The following BNIP2 variants were observed in gnomAD, a reference collection of about 807,000 sequenced individuals.
BNIP2 encodes the protein BCL2/adenovirus E1B 19 kDa protein-interacting protein 2.
In BNIP2, 36 loss-of-function variants were observed where a neutral mutation model predicts 43.4. The ratio of observed to expected loss-of-function variants is 0.83; its 90% CI spans 0.64 to 1.10. The LOEUF (loss-of-function observed/expected upper bound fraction) is 1.10. Ranked by LOEUF, BNIP2 falls within the 50% of genes least tolerant of loss-of-function variation. The probability of loss-of-function intolerance (pLI) is 0.00; values close to 1 mark genes in which losing one functional copy is unlikely to be tolerated. For missense variants in BNIP2, 417 were observed against 374.1 expected, an observed-to-expected ratio of 1.11 and a Z score of -0.95; for synonymous variants, 146 against 121.0, an observed-to-expected ratio of 1.21 and a Z score of -1.35.
Position 59,661,826 on chromosome 15 carries a change from A to G in BNIP2, c.*2243T>C, listed in dbSNP as rs1892291803. 6.6e-6 allele frequency: 1 copy of G among 152,220 alleles called. No individual in the cohort carries two copies. The highest frequency in any genetic ancestry group is 2.4e-5 in the African/African-American group (1 of 41,464). The allele number at this position is 152,220 out of a possible 1,614,324, so 9.4% of individuals were successfully genotyped here. A position where few individuals can be genotyped will look rare whatever the true frequency, so the allele number is the denominator to read the frequency against. ...TTAATAAATGCTCTTCCTCTAACCT[A>G]CTATTATGATCTTAAATCTTATAAA... On this transcript the variant is annotated 3_prime_UTR_variant, in exon 10 of 10. Transcript: ENST00000607373.
At chr15:59,681,866 T>C (rs764041970) in intron 2 of BNIP2, among the ~76,000 whole-genome samples, 1 of 152,150 alleles carries the variant, frequency 6.6e-6, no homozygotes, top group South Asian at 2.1e-4. Context: ...TAAAACACTT[T>C]ATTATAAAAG....
intron 2 of BNIP2, among the ~76,000 whole-genome samples, chr15:59,680,895 C>T (rs1189917959): frequency 6.6e-6 from 1 of 152,196 alleles, no homozygotes; most frequent in Admixed American, 6.5e-5. Flanking sequence ...CTATGCCTGG[C>T]TACACTTTCA....
intron 1 of BNIP2, among the ~76,000 whole-genome samples, chr15:59,685,763 G>A (rs765924857): frequency 1.3e-5 from 2 of 152,142 alleles, no homozygotes; most frequent in Non-Finnish European, 2.9e-5. Flanking sequence ...AGTACACTAG[G>A]TAGATCAAAA....
chr15:59,675,159 G>A (rs376356890), intron 5 of BNIP2, among the ~76,000 whole-genome samples: 9 of 151,512 alleles, frequency 5.9e-5, no homozygotes, highest in African/African-American at 9.7e-5. Flanking sequence ...TGAGGCTGGC[G>A]TATCGCTTGA....
At position 59,686,403 on chromosome 15, in the gene BNIP2, C is replaced by T. The variant is rs574346146; in HGVS notation, c.-58+2732G>A. 4.2e-4 allele frequency among the ~76,000 whole-genome samples: 64 copies of T among 152,182 alleles called. 2 individuals carry two copies. The Middle Eastern group carries it at 0.01, about 24-fold the overall frequency. ...GTCTCTACAATTTTTTTTAAGATCG[C>T]ATTAGAACTGTTTAGATTATAACAC... On this transcript the variant is annotated intron_variant, in intron 1 of 9. Coordinates refer to ENST00000607373, the MANE Select transcript of BNIP2 (RefSeq NM_004330.4).
At position 59,662,775 on chromosome 15, in the gene BNIP2, G is replaced by C. The variant is rs1356793897; in HGVS notation, c.*1294C>G. ...AATTTGGAAGGTATTATGCTTACCAGCTGTGTATGAGCCTTTCAAGTATAT... is the reference window on the plus strand; with the variant it reads ...AATTTGGAAGGTATTATGCTTACCACCTGTGTATGAGCCTTTCAAGTATAT... On this transcript the variant is annotated 3_prime_UTR_variant, in exon 10 of 10. Transcript: ENST00000607373. 1 of 152,206 alleles carries C rather than the reference G, an allele frequency of 6.6e-6. No homozygotes were observed. Among genetic ancestry groups the C allele is most frequent in the Admixed American group, 6.5e-5 (1 of 15,282 alleles). The allele number at this position is 152,206 out of a possible 1,614,324, so 9.4% of individuals were successfully genotyped here.
chr15:59,677,760 G>C (rs1162473817), intron 5 of BNIP2, 151 bp downstream of exon 5: 7 of 1,194,332 alleles, frequency 5.9e-6, no homozygotes, highest in East Asian at 2.7e-5. Flanking sequence ...CTGGTTAGCA[G>C]GAAGAAATGT....
rs1354121624 is a variant in BNIP2 at position 59,677,895 on chromosome 15, C to T, written c.472+16G>A. ...TATTGCATTAAACAATCTGAAAAAT[C>T]CTCAGTAACTCTTACCCCCATGGCT... On this transcript the variant is annotated intron_variant, in intron 5 of 9. Transcript: ENST00000607373. 7.6e-6 allele frequency: 12 copies of T among 1,578,908 alleles called. No homozygotes were observed. Among genetic ancestry groups the T allele is most frequent in the Non-Finnish European group, 9.4e-6 (11 of 1,168,210 alleles).
rs574902348 is a variant in BNIP2 at position 59,671,813 on chromosome 15, A to G, written c.576-499T>C. Among the ~76,000 whole-genome samples, 5 of 152,298 alleles carry G rather than the reference A, an allele frequency of 3.3e-5. No individual in the cohort carries two copies. The South Asian group carries it at 1.0e-3, about 32-fold the overall frequency. ...TTCTTTACACTTAATGTGCCTGCAA[A>G]TGTTAACATAAAACAGTTGGGACAG... On this transcript the variant is annotated intron_variant, in intron 6 of 9. Transcript: ENST00000607373.
At chr15:59,687,352 CTTT>C (rs35912734) in intron 1 of BNIP2, among the ~76,000 whole-genome samples, 12,233 of 137,514 alleles carry the variant, frequency 0.089, 677 homozygotes, top group East Asian at 0.26. Context: ...TCTTTTCATC[CTTT>C]TTTTTTTTTT....
At chr15:59,685,506 A>C (rs1228255336) in intron 1 of BNIP2, among the ~76,000 whole-genome samples, 1 of 152,146 alleles carries the variant, frequency 6.6e-6, no homozygotes, top group Non-Finnish European at 1.5e-5. Flanking sequence ...GTCTCAAAAA[A>C]CAAAACAAAA....
chr15:59,680,386 A>C, intron 2 of BNIP2, 78 bp from the exon 3 acceptor site: 1 of 1,049,642 alleles, frequency 9.5e-7, no homozygotes, highest in East Asian at 2.7e-5. Flanking sequence ...TTAAACATAC[A>C]GCTTATAGAA....
intron 4 of BNIP2, chr15:59,678,637 T>C: frequency 8.6e-7 from 1 of 1,159,864 alleles, no homozygotes; most frequent in Non-Finnish European, 1.1e-6. Context: ...AAATTAGCAT[T>C]AGCCAAAGCA....
chr15:59,684,257 G>T lies in BNIP2; in HGVS notation c.-57-1743C>A, dbSNP rs1465034762. On this transcript the variant is annotated intron_variant, in intron 1 of 9. Transcript: ENST00000607373. ...ACACTTGTTACCACAGAAAAAAAAT[G>T]GTAGATGCTGACTTTTCCACACCAA... Among the ~76,000 whole-genome samples the T allele has an allele frequency of 2.6e-5, 4 of 152,256 alleles. No homozygotes were observed. The East Asian group carries it at 7.7e-4, about 29-fold the overall frequency.
At chr15:59,670,760 A>C (rs1892848435) in intron 7 of BNIP2, among the ~76,000 whole-genome samples, 1 of 152,208 alleles carries the variant, frequency 6.6e-6, no homozygotes, top group Non-Finnish European at 1.5e-5. Context: ...TAAAATTTAA[A>C]AAATAAATGG....
At chr15:59,671,341 C>T (rs1334456042) in intron 6 of BNIP2, 27 bp from the exon 7 acceptor site, 14 of 1,559,348 alleles carry the variant, frequency 9.0e-6, no homozygotes, top group Non-Finnish European at 1.2e-5. Flanking sequence ...AAGTTTAAGC[C>T]TTAAAAATCA....
At chr15:59,688,576 G>A (rs1249494057) in intron 1 of BNIP2, 3 of 854,414 alleles carry the variant, frequency 3.5e-6, no homozygotes, top group Non-Finnish European at 5.4e-6. Context: ...CATTTTGCCA[G>A]GTATTTAAAC....
At chr15:59,675,508 A>T (rs1463447166) in intron 5 of BNIP2, among the ~76,000 whole-genome samples, 1 of 150,120 alleles carries the variant, frequency 6.7e-6, no homozygotes, top group African/African-American at 2.5e-5. Flanking sequence ...TACTCGGGAG[A>T]CTGAGGCAGG....
In BNIP2 at chr15:59,663,317, C is replaced by T. The variant is rs1046096010; in HGVS notation, c.*752G>A. On this transcript the variant is annotated 3_prime_UTR_variant, in exon 10 of 10. Transcript: ENST00000607373. ...CAGAAGATAAAATGTCCCATATATA[C>T]ATATATACAAACCCTAATTCCTACC... 1 of 152,272 alleles carries T rather than the reference C, an allele frequency of 6.6e-6. No homozygotes were observed. The highest frequency in any genetic ancestry group is 1.5e-5 in the Non-Finnish European group (1 of 68,036). The allele number at this position is 152,272 out of a possible 1,614,324, so 9.4% of individuals were successfully genotyped here.
Sources: allele counts gnomAD v4.1 joint callset (sites outside exome capture counted in the v4.1 genomes callset), GRCh38; gene constraint gnomAD v4.1.1; transcripts MANE v1.5; gene names NCBI Gene and HGNC (gene_info 2026-07-23, HGNC 2026-07-21).